Variants in LRRC7 observed in about 807,000 individuals in gnomAD.
LRRC7 encodes leucine-rich repeat-containing protein 7.
In LRRC7, 23 loss-of-function variants were observed where a neutral mutation model predicts 175.7. The observed-to-expected ratio is 0.13, with a 90% confidence interval of 0.09 to 0.19. The LOEUF is 0.19. Among genes scored for constraint, LRRC7 ranks in the 10% least tolerant of loss-of-function variants. LRRC7 has a pLI of 1.00. For missense variants in LRRC7, 1,354 were observed against 1,904.7 expected (o/e 0.71, Z 5.38); for synonymous variants, 685 against 680.9 (o/e 1.01, Z -0.09).
chr1:69,781,786 AAAGGAAGGAAGGAAGGAAGG>A lies in LRRC7; in HGVS notation c.304-10216_304-10197del, dbSNP rs771907811. Among the ~76,000 whole-genome samples the A allele has an allele frequency of 2.8e-3, 79 of 28,262 alleles. 4 individuals are homozygous for A. Among genetic ancestry groups the A allele is most frequent in the East Asian group, 5.1e-3 (4 of 780 alleles). The allele number at this position is 28,262 out of a possible 152,430, so 18.5% of individuals were successfully genotyped here. On this transcript the variant is annotated intron_variant, in intron 3 of 26. Coordinates refer to ENST00000651989, the MANE Select transcript of LRRC7 (RefSeq NM_001370785.2). ...GAGAGAAAGAAAGAAAGAAAGAAAG[AAAGGAAGGAAGGAAGGAAGG>A]AAGGAAGGAAGGAAGGAAGGAAGGA...
rs554841125 is a variant in LRRC7 at position 69,946,939 on chromosome 1, G to C, written c.711+15369G>C. On this transcript the variant is annotated intron_variant, in intron 8 of 26. Transcript: ENST00000651989. ...CTAAAACTACAAAACTTAGCCACTC[G>C]TGGTGGTGCACACCTGTAATCCCAG... Among the ~76,000 whole-genome samples the C allele has an allele frequency of 1.3e-4, 19 of 151,860 alleles. No individual in the cohort carries two copies. The East Asian group carries it at 3.3e-3, about 26-fold the overall frequency.
intron 2 of LRRC7, among the ~76,000 whole-genome samples, chr1:69,713,392 G>C (rs577167086): frequency 6.6e-6 from 1 of 152,204 alleles, no homozygotes; most frequent in East Asian, 1.9e-4. Context: ...CTACTCTGGA[G>C]GCCGAGGTTG....
At chr1:69,830,787 T>C (rs376251266) in intron 5 of LRRC7, among the ~76,000 whole-genome samples, 1 of 151,964 alleles carries the variant, frequency 6.6e-6, no homozygotes, top group East Asian at 1.9e-4. Flanking sequence ...TAACTCCACA[T>C]TTTTAAGAAG....
At chr1:69,795,034 T>G (rs1675561893) in intron 4 of LRRC7, among the ~76,000 whole-genome samples, 1 of 152,326 alleles carries the variant, frequency 6.6e-6, no homozygotes, top group South Asian at 2.1e-4. Flanking sequence ...TTGCTAGAAC[T>G]TACACAAACA....
intron 4 of LRRC7, among the ~76,000 whole-genome samples, chr1:69,796,691 G>T (rs371866649): frequency 6.6e-6 from 1 of 152,092 alleles, no homozygotes; most frequent in Non-Finnish European, 1.5e-5. Flanking sequence ...CTACTTGGGA[G>T]GCTGAGGCAG....
At chr1:69,690,527 GC>G (rs1424358191) in intron 2 of LRRC7, among the ~76,000 whole-genome samples, 2 of 152,136 alleles carry the variant, frequency 1.3e-5, no homozygotes, top group Non-Finnish European at 2.9e-5. Context: ...TAAAATTTCA[GC>G]CCTTTTTACA....
intron 2 of LRRC7, among the ~76,000 whole-genome samples, chr1:69,685,662 T>G (rs1029472093): frequency 2.0e-5 from 3 of 152,192 alleles, no homozygotes; most frequent in Middle Eastern, 3.4e-3. Context: ...ATTAGTGGAA[T>G]TTACTCAATA....
chr1:70,114,246 G>T (rs1665705153), intron 26 of LRRC7, among the ~76,000 whole-genome samples: 4 of 152,138 alleles, frequency 2.6e-5, no homozygotes, highest in Admixed American at 2.0e-4. Flanking sequence ...ACTGAGGGTG[G>T]GGGACTATGG....
intron 1 of LRRC7, among the ~76,000 whole-genome samples, chr1:69,572,330 A>G (rs1020228595): frequency 1.3e-5 from 2 of 152,090 alleles, no homozygotes; most frequent in East Asian, 1.9e-4. Context: ...AGCAAATTAT[A>G]TTATATTCTG....
At chr1:70,020,154 G>A (rs1657331690) in intron 15 of LRRC7, among the ~76,000 whole-genome samples, 1 of 151,920 alleles carries the variant, frequency 6.6e-6, no homozygotes, top group African/African-American at 2.4e-5. Flanking sequence ...TTTCCAGGCA[G>A]GAGTGTAATA....
chr1:70,080,523 G>A (rs1381796199), intron 24 of LRRC7, among the ~76,000 whole-genome samples: 1 of 152,034 alleles, frequency 6.6e-6, no homozygotes, highest in African/African-American at 2.4e-5. Flanking sequence ...CTAAACTTCT[G>A]GTTTAATGCA....
chr1:69,648,698 C>T (rs906639629), intron 1 of LRRC7, among the ~76,000 whole-genome samples: 1 of 152,216 alleles, frequency 6.6e-6, no homozygotes. Context: ...TGTTTACATA[C>T]ATACTGGCTT....
intron 3 of LRRC7, among the ~76,000 whole-genome samples, chr1:69,777,127 T>C (rs1235732255): frequency 6.6e-6 from 1 of 152,120 alleles, no homozygotes; most frequent in Non-Finnish European, 1.5e-5. Context: ...TCATCACCAA[T>C]GGAACACTGC....
At chr1:69,613,744 T>C (rs553923811) in intron 1 of LRRC7, among the ~76,000 whole-genome samples, 74 of 152,196 alleles carry the variant, frequency 4.9e-4, no homozygotes, top group Middle Eastern at 3.4e-3. Flanking sequence ...AACATGTTTC[T>C]AGATTTGGCA....
At chr1:69,602,468 TTAAA>T (rs1346997016) in intron 1 of LRRC7, among the ~76,000 whole-genome samples, 1 of 146,686 alleles carries the variant, frequency 6.8e-6, no homozygotes, top group African/African-American at 2.8e-5. Flanking sequence ...GTGGAACATT[TTAAA>T]TAAAATAACA....
chr1:70,046,445 G>A (rs1377991014), intron 22 of LRRC7, among the ~76,000 whole-genome samples: 1 of 151,926 alleles, frequency 6.6e-6, no homozygotes, highest in African/African-American at 2.4e-5. Context: ...TGCAAATCAA[G>A]AATCATTCAA....
chr1:69,568,091 G>C lies in LRRC7; in HGVS notation c.-549G>C, dbSNP rs939426616. Among the ~76,000 whole-genome samples, 2 of 152,130 alleles carry C rather than the reference G, an allele frequency of 1.3e-5. No homozygotes were observed. Among genetic ancestry groups the C allele is most frequent in the Non-Finnish European group, 2.9e-5 (2 of 68,026 alleles). ...CCACCGCCTCCTGCAGTTGCGGAGCGCTCAGCCCCTCCGAGACGCCCGCTG... is the reference window on the plus strand; with the variant it reads ...CCACCGCCTCCTGCAGTTGCGGAGCCCTCAGCCCCTCCGAGACGCCCGCTG... On this transcript the variant is annotated 5_prime_UTR_variant, in exon 1 of 27. Transcript: ENST00000651989.
intron 14 of LRRC7, 35 bp from the exon 15 acceptor site, chr1:70,018,684 T>C (rs2101968391): frequency 6.9e-7 from 1 of 1,441,534 alleles, no homozygotes; most frequent in East Asian, 2.3e-5. Context: ...TATTTGCAAT[T>C]GTATTCATCT....
At chr1:69,730,294 T>C (rs1019513011) in intron 2 of LRRC7, among the ~76,000 whole-genome samples, 4 of 152,214 alleles carry the variant, frequency 2.6e-5, no homozygotes, top group Non-Finnish European at 5.9e-5. Flanking sequence ...TGAATGTCTT[T>C]CCAGAAAATG....
Sources: allele counts gnomAD v4.1 joint callset (sites outside exome capture counted in the v4.1 genomes callset), GRCh38; gene constraint gnomAD v4.1.1; transcripts MANE v1.5; gene names NCBI Gene and HGNC (gene_info 2026-07-23, HGNC 2026-07-21).